Variants in ANXA6 observed in about 807,000 individuals in gnomAD.
ANXA6 encodes annexin A6.
A neutral mutation model predicts 95.4 loss-of-function variants in ANXA6; 71 were observed. The observed-to-expected ratio is 0.74, with a 90% CI of 0.61 to 0.91. The LOEUF is 0.91. ANXA6 is among the 40% of genes least tolerant of loss of function. ANXA6 has a pLI of 0.00. For missense variants in ANXA6, 830 were observed against 876.4 expected, an observed-to-expected ratio of 0.95 and a Z score of 0.67; for synonymous variants, 289 against 315.9, an observed-to-expected ratio of 0.91 and a Z score of 0.90.
chr5:151,130,291 G>A (rs1460306877), intron 11 of ANXA6, among the ~76,000 whole-genome samples: 2 of 151,230 alleles, frequency 1.3e-5, no homozygotes, highest in Admixed American at 1.3e-4. Flanking sequence ...CTAGAGTACA[G>A]TGGCGTGATC....
intron 1 of ANXA6, among the ~76,000 whole-genome samples, chr5:151,154,217 G>A (rs1165643907): frequency 1.3e-5 from 2 of 151,342 alleles, no homozygotes; most frequent in African/African-American, 4.9e-5. Context: ...GAAGTTGGGG[G>A]TTGAACAGAA....
chr5:151,115,071 G>A (rs1764960652), intron 20 of ANXA6, among the ~76,000 whole-genome samples: 1 of 152,158 alleles, frequency 6.6e-6, no homozygotes, highest in South Asian at 2.1e-4. Context: ...CTAGGAAGAA[G>A]GCTGGTTAAA....
chr5:151,138,553 GT>G, intron 5 of ANXA6, 124 bp downstream of exon 5: 1 of 663,044 alleles, frequency 1.5e-6, no homozygotes, highest in Non-Finnish European at 2.7e-6. Flanking sequence ...AAATTTAGAT[GT>G]GTCTTTGAAG....
chr5:151,122,939 G>C lies in ANXA6; in HGVS notation c.1211C>G (p.Thr404Ser). The change falls in exon 16 of 26, where the codon ACC becomes AGC. Residue 404 changes from threonine (T) to serine (S), a missense_variant. Transcript: ENST00000354546. ...SNVQRQQIRQTFKSHFGRDLM... is the reference protein window; with the variant it reads ...SNVQRQQIRQSFKSHFGRDLM... ...TACCCGGCCAAAGTGAGACTTGAAG[G>C]TCTGCCGGATCTGCTGCCGCTGGAC... 1 of 1,613,966 alleles carries C rather than the reference G, an allele frequency of 6.2e-7. No homozygotes were observed. The highest frequency in any genetic ancestry group is 1.1e-5 in the South Asian group (1 of 91,086).
At chr5:151,141,579 C>T (rs1582014154) in intron 2 of ANXA6, 1 of 985,502 alleles carries the variant, frequency 1.0e-6, no homozygotes, top group Non-Finnish European at 1.2e-6. Context: ...GACCGCCTCC[C>T]CCTCTCCCCG....
chr5:151,142,999 C>G (rs560984652), intron 2 of ANXA6, among the ~76,000 whole-genome samples: 1 of 152,170 alleles, frequency 6.6e-6, no homozygotes, highest in African/African-American at 2.4e-5. Flanking sequence ...CTCCAATCCA[C>G]TTCAGTCATA....
chr5:151,125,358 AAAG>A (rs1376413447), intron 14 of ANXA6, among the ~76,000 whole-genome samples: 2 of 146,576 alleles, frequency 1.4e-5, no homozygotes, highest in South Asian at 2.1e-4. Context: ...AAAAAAAAAA[AAAG>A]GAATGGATGA....
At chr5:151,140,899 G>T (rs915490935) in intron 2 of ANXA6, among the ~76,000 whole-genome samples, 28 of 152,208 alleles carry the variant, frequency 1.8e-4, no homozygotes, top group African/African-American at 6.8e-4. Flanking sequence ...CTGCTCTCCA[G>T]CCCCGCTCTG....
intron 7 of ANXA6, among the ~76,000 whole-genome samples, chr5:151,134,766 A>G (rs1020143582): frequency 6.6e-6 from 1 of 152,052 alleles, no homozygotes; most frequent in African/African-American, 2.4e-5. Context: ...AGGTAGGCAG[A>G]GCCTTGCCCT....
At chr5:151,104,754 A>G (rs947810169) in intron 24 of ANXA6, among the ~76,000 whole-genome samples, 2 of 152,192 alleles carry the variant, frequency 1.3e-5, no homozygotes, top group African/African-American at 4.8e-5. Flanking sequence ...CTAGACTCAG[A>G]GGGGAGCGCT....
intron 6 of ANXA6, 120 bp from the exon 7 acceptor site, chr5:151,136,455 C>A (rs908932185): frequency 2.3e-6 from 2 of 864,870 alleles, no homozygotes; most frequent in Non-Finnish European, 3.6e-6. Flanking sequence ...CCAGTCTACA[C>A]GTCCATCATG....
chr5:151,146,790 G>T (rs1344913267), intron 2 of ANXA6, among the ~76,000 whole-genome samples: 1 of 152,174 alleles, frequency 6.6e-6, no homozygotes, highest in Non-Finnish European at 1.5e-5. Context: ...CAACAGAGTA[G>T]AGTGGGGTTT....
intron 2 of ANXA6, among the ~76,000 whole-genome samples, chr5:151,145,165 G>A (rs75328624): frequency 0.01 from 1,562 of 152,280 alleles, 27 homozygotes; most frequent in African/African-American, 0.035. Context: ...GTGAGCAGCC[G>A]GGCCCTGGGG....
intron 13 of ANXA6, 122 bp downstream of exon 13, chr5:151,128,059 A>G: frequency 2.4e-6 from 2 of 848,190 alleles, no homozygotes; most frequent in Non-Finnish European, 3.8e-6. Context: ...CACTTGTGCG[A>G]CGCTCCTGGC....
intron 20 of ANXA6, among the ~76,000 whole-genome samples, chr5:151,113,786 A>G (rs1429390693): frequency 1.3e-5 from 2 of 152,246 alleles, no homozygotes; most frequent in African/African-American, 4.8e-5. Context: ...AATTCTATCT[A>G]AGAGAAATGA....
chr5:151,136,467 C>A, intron 6 of ANXA6, 132 bp from the exon 7 acceptor site: 1 of 740,874 alleles, frequency 1.3e-6, no homozygotes, highest in Non-Finnish European at 2.2e-6. Context: ...TCCATCATGG[C>A]AAGACCCAGG....
intron 14 of ANXA6, among the ~76,000 whole-genome samples, chr5:151,126,111 T>A (rs912813387): frequency 6.6e-6 from 1 of 152,172 alleles, no homozygotes; most frequent in African/African-American, 2.4e-5. Flanking sequence ...GCCAACTGTT[T>A]CGACTCCAGA....
intron 10 of ANXA6, 24 bp downstream of exon 10, chr5:151,132,452 C>A: frequency 6.3e-7 from 1 of 1,585,690 alleles, no homozygotes; most frequent in Non-Finnish European, 8.6e-7. Flanking sequence ...CTAAAGCCCC[C>A]AGGAATGCAA....
At chr5:151,146,208 T>A (rs1176925289) in intron 2 of ANXA6, among the ~76,000 whole-genome samples, 1 of 152,228 alleles carries the variant, frequency 6.6e-6, no homozygotes, top group Non-Finnish European at 1.5e-5. Context: ...GCCTCTCTGA[T>A]CTTCCAGGGC....
Sources: allele counts gnomAD v4.1 joint callset (sites outside exome capture counted in the v4.1 genomes callset), GRCh38; gene constraint gnomAD v4.1.1; transcripts MANE v1.5; gene names NCBI Gene and HGNC (gene_info 2026-07-23, HGNC 2026-07-21).